FARSB: variants seen among roughly 807,000 people sequenced by gnomAD.
The protein encoded by FARSB is phenylalanyl-tRNA synthetase subunit beta.
FARSB carries 40 observed loss-of-function variants against 69.6 expected under a neutral mutation model. The observed-to-expected ratio is 0.57, with a 90% CI of 0.45 to 0.75. FARSB has a LOEUF of 0.75. Among genes scored for constraint, FARSB ranks in the 30% least tolerant of loss-of-function variants. FARSB has a pLI of 0.00. For synonymous variants in FARSB, 235 were observed against 247.2 expected, an observed-to-expected ratio of 0.95 and a Z score of 0.46; for missense variants, 632 against 722.9, an observed-to-expected ratio of 0.87 and a Z score of 1.44.
At chr2:222,624,119 T>C (rs1164199070) in intron 12 of FARSB, among the ~76,000 whole-genome samples, 153 bp downstream of exon 12, 1 of 152,266 alleles carries the variant, frequency 6.6e-6, no homozygotes, top group African/African-American at 2.4e-5. Flanking sequence ...CATTTGGGCA[T>C]CTGTTTTGTA....
At chr2:222,636,445 C>T (rs1691584856) in intron 5 of FARSB, among the ~76,000 whole-genome samples, 1 of 149,854 alleles carries the variant, frequency 6.7e-6, no homozygotes, top group Non-Finnish European at 1.5e-5. Flanking sequence ...CAGGACACCA[C>T]TTCTTAAGTA....
intron 16 of FARSB, among the ~76,000 whole-genome samples, chr2:222,577,951 T>C (rs184531154): frequency 3.9e-5 from 6 of 152,280 alleles, no homozygotes; most frequent in Admixed American, 1.3e-4. Context: ...TTTTAAAACC[T>C]AAAGGAGGTC....
At position 222,634,455 on chromosome 2, in the gene FARSB, A is replaced by G; in HGVS notation, c.542T>C (p.Ile181Thr). 8 of 1,612,026 alleles carry G rather than the reference A, an allele frequency of 5.0e-6. No homozygotes were observed. The highest frequency in any genetic ancestry group is 5.9e-6 in the Non-Finnish European group (7 of 1,178,366). The change falls in exon 6 of 17, where the codon ATC becomes ACC. Residue 181 changes from isoleucine to threonine, a missense_variant. Transcript: ENST00000281828. ...FTYTAKRPSD[I>T]KFKPLNKTKE... ...GGTCTTATTTAGAGGCTTGAATTTG[A>G]TATCTGAAGGACGCTTTGCAGTATA...
At chr2:222,628,929 T>C (rs1429061160) in intron 9 of FARSB, 41 bp from the exon 10 acceptor site, 1 of 1,484,934 alleles carries the variant, frequency 6.7e-7, no homozygotes, top group Admixed American at 1.7e-5. Context: ...AAGAAAAAAA[T>C]GTGCCATAAA....
At chr2:222,592,963 G>A (rs942053165) in intron 16 of FARSB, among the ~76,000 whole-genome samples, 3 of 152,030 alleles carry the variant, frequency 2.0e-5, no homozygotes, top group Non-Finnish European at 4.4e-5. Context: ...CGTCCGGTGT[G>A]TCCACAGTGT....
At chr2:222,639,784 C>A in intron 4 of FARSB, 89 bp from the exon 5 acceptor site, 1 of 493,202 alleles carries the variant, frequency 2.0e-6, no homozygotes, top group Admixed American at 3.5e-5. Flanking sequence ...ATTCTTGCCA[C>A]TGGCATACAT....
intron 1 of FARSB, among the ~76,000 whole-genome samples, chr2:222,650,433 T>C (rs1574957867): frequency 1.3e-5 from 2 of 152,240 alleles, no homozygotes; most frequent in South Asian, 4.2e-4. Context: ...GAAGACTTCA[T>C]TTAAAGCAGC....
At chr2:222,608,551 T>TGG (rs1363673514) in intron 15 of FARSB, among the ~76,000 whole-genome samples, 1 of 152,136 alleles carries the variant, frequency 6.6e-6, no homozygotes, top group Non-Finnish European at 1.5e-5. Context: ...ATGGCCTTGG[T>TGG]GGTCAAGGGA....
At chr2:222,619,091 G>A (rs1691072168) in intron 14 of FARSB, among the ~76,000 whole-genome samples, 2 of 151,200 alleles carry the variant, frequency 1.3e-5, no homozygotes, top group African/African-American at 4.9e-5. Context: ...GCAGTGAGCC[G>A]AGATCCCGCC....
At chr2:222,626,210 C>G (rs534284841) in intron 10 of FARSB, among the ~76,000 whole-genome samples, 2 of 138,682 alleles carry the variant, frequency 1.4e-5, no homozygotes, top group East Asian at 4.3e-4. Context: ...TGCTACTGCA[C>G]TCCAGCTTGG....
intron 10 of FARSB, among the ~76,000 whole-genome samples, chr2:222,625,510 C>T (rs1559208054): frequency 6.6e-6 from 1 of 152,212 alleles, no homozygotes; most frequent in Non-Finnish European, 1.5e-5. Context: ...AGCAGAAGCA[C>T]TAGCATCACC....
At chr2:222,601,276 C>A (rs1690550585) in intron 15 of FARSB, among the ~76,000 whole-genome samples, 1 of 151,920 alleles carries the variant, frequency 6.6e-6, no homozygotes, top group Non-Finnish European at 1.5e-5. Context: ...TGTTTTTTAC[C>A]ACAATAATAA....
Position 222,571,932 on chromosome 2 carries a change from G to A in FARSB, c.1709C>T (p.Thr570Ile). Residue 570 changes from threonine to isoleucine, a missense_variant, in exon 17 of 17, where the codon ACC becomes ATC. Coordinates refer to ENST00000281828, the MANE Select transcript of FARSB (RefSeq NM_005687.5). ...KLGVLHPDVI[T>I]KFELTMPCSS... is the part of the protein sequence containing the mutation. Reference sequence around the variant, plus strand: ...GCAGGGCATGGTCAGCTCAAATTTGGTGATAACGTCAGGATGAAGGACCCC... The same window carrying A: ...GCAGGGCATGGTCAGCTCAAATTTGATGATAACGTCAGGATGAAGGACCCC... 1 of 1,613,768 alleles carries A rather than the reference G, an allele frequency of 6.2e-7. No homozygotes were observed. Among genetic ancestry groups the A allele is most frequent in the East Asian group, 2.2e-5 (1 of 44,856 alleles).
chr2:222,639,666 T>C lies in FARSB; in HGVS notation c.369A>G (p.Ala123=), dbSNP rs35668559. ...TAAACTTTATATTACGGAGAACTGC[T>C]GCTACCGCAAAAGGACGTATCTTAG... ...ETAKIRPFAV[A]AVLRNIKFTK... is the part of the protein sequence containing the mutation. The change falls in exon 5 of 17, where the codon GCA becomes GCG. Residue 123 remains alanine, a synonymous_variant. Coordinates refer to ENST00000281828, the MANE Select transcript of FARSB (RefSeq NM_005687.5). The C allele has an allele frequency of 6.3e-6, 10 of 1,580,654 alleles. No homozygotes were observed. The African/African-American group carries it at 1.2e-4, about 19-fold the overall frequency.
intron 16 of FARSB, among the ~76,000 whole-genome samples, chr2:222,584,720 C>T (rs936722870): frequency 2.0e-5 from 3 of 152,210 alleles, no homozygotes; most frequent in African/African-American, 7.2e-5. Flanking sequence ...GAGGGTCCCA[C>T]GCCCACGGAG....
At chr2:222,624,607 C>A in intron 11 of FARSB, 107 bp downstream of exon 11, 3 of 928,890 alleles carry the variant, frequency 3.2e-6, no homozygotes, top group Non-Finnish European at 3.4e-6. Context: ...AACCAGATAT[C>A]TTAACTGATG....
chr2:222,580,334 G>C (rs1343010054), intron 16 of FARSB, among the ~76,000 whole-genome samples: 1 of 151,924 alleles, frequency 6.6e-6, no homozygotes, highest in Non-Finnish European at 1.5e-5. Context: ...TGTAAGCATA[G>C]AGTCTTTCTT....
chr2:222,638,309 C>G (rs972613820), intron 5 of FARSB, among the ~76,000 whole-genome samples: 8 of 152,020 alleles, frequency 5.3e-5, no homozygotes, highest in Non-Finnish European at 8.8e-5. Flanking sequence ...TCATGATTTC[C>G]AGAAATACCA....
chr2:222,602,197 G>A (rs1690578665), intron 15 of FARSB, among the ~76,000 whole-genome samples: 1 of 152,156 alleles, frequency 6.6e-6, no homozygotes, highest in South Asian at 2.1e-4. Context: ...TATGGGAACA[G>A]AGAACAGATA....
Sources: allele counts gnomAD v4.1 joint callset (sites outside exome capture counted in the v4.1 genomes callset), GRCh38; gene constraint gnomAD v4.1.1; transcripts MANE v1.5; gene names NCBI Gene and HGNC (gene_info 2026-07-23, HGNC 2026-07-21).